The following GAN variants were observed in gnomAD, a reference collection of about 807,000 sequenced individuals.
GAN encodes epididymis secretory sperm binding protein.
GAN carries 48 observed loss-of-function variants against 71.3 expected under a neutral mutation model. The observed-to-expected ratio is 0.67, with a 90% CI of 0.53 to 0.86. The LOEUF (loss-of-function observed/expected upper bound fraction) is 0.86. Ranked by LOEUF, GAN falls within the 40% of genes least tolerant of loss-of-function variation. GAN has a pLI of 0.00. For missense variants in GAN, 928 were observed against 770.1 expected (o/e 1.21, Z -2.43); for synonymous variants, 386 against 276.8 (o/e 1.39, Z -3.92).
chr16:81,315,035 C>A lies in GAN; in HGVS notation c.-79C>A. The stretch of plus-strand genomic sequence containing the variant: ...GAGAGCCGGGCCGGGCGGGCGCGCG[C>A]GCAGGACTCGGGCCGCTCGAGGGGT... On this transcript the variant is annotated 5_prime_UTR_variant, in exon 1 of 11. Coordinates refer to ENST00000648994, the MANE Select transcript of GAN (RefSeq NM_022041.4). 9.4e-6 allele frequency: 11 copies of A among 1,172,866 alleles called. No individual in the cohort carries two copies. The highest frequency in any genetic ancestry group is 1.2e-5 in the Non-Finnish European group (11 of 905,122). 72.7% of individuals were successfully genotyped at this position (1,172,866 alleles called of 1,614,324 possible).
At chr16:81,327,341 G>A (rs1176024252) in intron 1 of GAN, among the ~76,000 whole-genome samples, 1 of 152,144 alleles carries the variant, frequency 6.6e-6, no homozygotes, top group African/African-American at 2.4e-5. Context: ...GTTTTCAGAT[G>A]GAGCTTAAAC....
At chr16:81,326,295 A>T (rs1340479144) in intron 1 of GAN, among the ~76,000 whole-genome samples, 4 of 151,838 alleles carry the variant, frequency 2.6e-5, no homozygotes, top group Non-Finnish European at 5.9e-5. Context: ...AAGCGGGCAG[A>T]TCACCTGAGG....
rs1181870028 is a variant in GAN, at chr16:81,363,926, T to G, written c.1219T>G (p.Leu407Val). Residue 407 changes from leucine (L) to valine (V), a missense_variant, in exon 7 of 11, where the codon TTG becomes GTG. Coordinates refer to ENST00000648994, the MANE Select transcript of GAN (RefSeq NM_022041.4). ...YSKTWTKQPD[L>V]TMVRKIGCYA... ...TAAAACCTGGACAAAGCAACCTGAT[T>G]TGACCATGGTCAGAAAGGTGAGGAC... 3 of 1,613,504 alleles carry G rather than the reference T, an allele frequency of 1.9e-6. No homozygotes were observed. The African/African-American group carries it at 4.0e-5, about 22-fold the overall frequency.
chr16:81,358,156 G>A (rs1300634261), intron 5 of GAN, among the ~76,000 whole-genome samples: 1 of 152,124 alleles, frequency 6.6e-6, no homozygotes, highest in Non-Finnish European at 1.5e-5. Context: ...AGAACTACTG[G>A]AGAAGCAGTT....
At chr16:81,370,586 C>T (rs1292362594) in intron 9 of GAN, among the ~76,000 whole-genome samples, 1 of 152,216 alleles carries the variant, frequency 6.6e-6, no homozygotes, top group African/African-American at 2.4e-5. Context: ...TGAGATTCAT[C>T]CCATTGGAAG....
chr16:81,319,325 C>G (rs1909151079), intron 1 of GAN, among the ~76,000 whole-genome samples: 1 of 151,730 alleles, frequency 6.6e-6, no homozygotes, highest in African/African-American at 2.4e-5. Context: ...GGGGAAAGCT[C>G]CCTGCGGCTT....
intron 1 of GAN, among the ~76,000 whole-genome samples, chr16:81,321,561 C>T (rs529468258): frequency 1.2e-4 from 18 of 152,188 alleles, no homozygotes; most frequent in Admixed American, 2.6e-4. Flanking sequence ...TTTTCAAAAC[C>T]GCCTTATCCA....
chr16:81,362,141 C>G (rs964873202), intron 5 of GAN, among the ~76,000 whole-genome samples: 1 of 152,112 alleles, frequency 6.6e-6, no homozygotes, highest in Non-Finnish European at 1.5e-5. Flanking sequence ...CTAGAATGAA[C>G]AGATGTGCGC....
intron 9 of GAN, among the ~76,000 whole-genome samples, chr16:81,373,681 A>T (rs1261747327): frequency 6.6e-6 from 1 of 152,200 alleles, no homozygotes; most frequent in Non-Finnish European, 1.5e-5. Flanking sequence ...TTCCAGATCC[A>T]ATCCAGGATT....
intron 1 of GAN, among the ~76,000 whole-genome samples, chr16:81,332,632 C>T (rs564936608): frequency 1.3e-5 from 2 of 152,342 alleles, no homozygotes; most frequent in Admixed American, 6.5e-5. Flanking sequence ...TTGTACATAG[C>T]ACATGCCTGC....
intron 1 of GAN, among the ~76,000 whole-genome samples, chr16:81,344,598 C>G (rs1409308468): frequency 1.3e-5 from 2 of 152,184 alleles, no homozygotes; most frequent in Admixed American, 6.5e-5. Context: ...ACATCTTATA[C>G]AAAAATCAAC....
At position 81,389,053 on chromosome 16, in the gene GAN, C is replaced by T. The variant is rs568190871; in HGVS notation, c.*11457C>T. On this transcript the variant is annotated 3_prime_UTR_variant, in exon 11 of 11. Transcript: ENST00000648994. ...TTAAGAAGTAAAGAAGTGAGCCTTC[C>T]ATTTGTGTGGGTGATAACATCTTTT... 6.6e-6 allele frequency: 1 copy of T among 152,220 alleles called. No individual in the cohort carries two copies. The highest frequency in any genetic ancestry group is 1.9e-4 in the East Asian group (1 of 5,188). The allele number at this position is 152,220 out of a possible 1,614,324, so 9.4% of individuals were successfully genotyped here. A position where few individuals can be genotyped will look rare whatever the true frequency, so the allele number is the denominator to read the frequency against.
intron 1 of GAN, among the ~76,000 whole-genome samples, chr16:81,349,046 C>A (rs1366811938): frequency 6.6e-6 from 1 of 152,170 alleles, no homozygotes; most frequent in African/African-American, 2.4e-5. Context: ...AAATATAAGT[C>A]ATTTGTCTTC....
intron 1 of GAN, among the ~76,000 whole-genome samples, chr16:81,325,379 C>T (rs1909351395): frequency 1.3e-5 from 2 of 152,104 alleles, no homozygotes; most frequent in African/African-American, 4.8e-5. Context: ...ACAGCAGGGC[C>T]ATTGAGGCAG....
intron 1 of GAN, among the ~76,000 whole-genome samples, chr16:81,316,920 G>A (rs1249099915): frequency 1.3e-5 from 2 of 152,190 alleles, no homozygotes; most frequent in South Asian, 2.1e-4. Flanking sequence ...GTGCAGTGGC[G>A]TGATCTCGGC....
At chr16:81,376,707 TACACAC>T (rs111299239) in intron 9 of GAN, among the ~76,000 whole-genome samples, 1 of 149,574 alleles carries the variant, frequency 6.7e-6, no homozygotes, top group Non-Finnish European at 1.5e-5. Context: ...TGCACACGCA[TACACAC>T]ACACACACAC....
chr16:81,330,272 AAT>A (rs1909532141), intron 1 of GAN, among the ~76,000 whole-genome samples: 1 of 122,476 alleles, frequency 8.2e-6, no homozygotes, highest in Non-Finnish European at 2.0e-5. Flanking sequence ...TTAAAACTCT[AAT>A]ATCTCCAGAG....
intron 1 of GAN, among the ~76,000 whole-genome samples, chr16:81,321,372 A>T (rs1281161436): frequency 6.6e-6 from 1 of 152,152 alleles, no homozygotes; most frequent in Non-Finnish European, 1.5e-5. Context: ...TCACTCTTTT[A>T]CCTATACTGT....
At chr16:81,315,379 C>T in intron 1 of GAN, 99 bp downstream of exon 1, 1 of 845,364 alleles carries the variant, frequency 1.2e-6, no homozygotes, top group Non-Finnish European at 1.6e-6. Context: ...GTCCCCTGTC[C>T]CCGGCGCCGG....
Sources: allele counts gnomAD v4.1 joint callset (sites outside exome capture counted in the v4.1 genomes callset), GRCh38; gene constraint gnomAD v4.1.1; transcripts MANE v1.5; gene names NCBI Gene and HGNC (gene_info 2026-07-23, HGNC 2026-07-21).